Variants in GABRG3 observed in about 807,000 individuals in gnomAD.
GABRG3 encodes the protein gamma-aminobutyric acid receptor subunit gamma-3.
A neutral mutation model predicts 48.8 loss-of-function variants in GABRG3; 25 were observed. That is an observed-to-expected ratio of 0.51 (90% CI 0.37 to 0.72). The LOEUF is 0.72. Among genes scored for constraint, GABRG3 ranks in the 30% least tolerant of loss-of-function variants. GABRG3 has a pLI of 0.00. For synonymous variants in GABRG3, 227 were observed against 217.6 expected (o/e 1.04, Z -0.38); for missense variants, 394 against 577.9 (o/e 0.68, Z 3.26).
At chr15:27,502,785 A>T (rs1043738523) in intron 6 of GABRG3, among the ~76,000 whole-genome samples, 1 of 152,240 alleles carries the variant, frequency 6.6e-6, no homozygotes, top group Non-Finnish European at 1.5e-5. Context: ...AAGGATATTT[A>T]ACAGGATACA....
intron 3 of GABRG3, among the ~76,000 whole-genome samples, chr15:27,134,767 C>T (rs1355144541): frequency 6.6e-6 from 1 of 152,186 alleles, no homozygotes; most frequent in Non-Finnish European, 1.5e-5. Context: ...ACTATGCGAT[C>T]ATTGTTGGCA....
At chr15:27,225,595 C>T (rs1889587449) in intron 3 of GABRG3, among the ~76,000 whole-genome samples, 1 of 152,130 alleles carries the variant, frequency 6.6e-6, no homozygotes. Flanking sequence ...TTCCCACCTG[C>T]CTTCCACCCA....
chr15:27,279,200 C>T (rs1009971175), intron 3 of GABRG3, among the ~76,000 whole-genome samples: 1 of 152,156 alleles, frequency 6.6e-6, no homozygotes, highest in Non-Finnish European at 1.5e-5. Context: ...ACTATTTTCT[C>T]TTAGTTTGTA....
At chr15:27,046,005 A>G (rs1896356335) in intron 3 of GABRG3, among the ~76,000 whole-genome samples, 1 of 152,132 alleles carries the variant, frequency 6.6e-6, no homozygotes, top group Non-Finnish European at 1.5e-5. Flanking sequence ...AACTGCAGAG[A>G]GCTCCGAGTT....
intron 5 of GABRG3, among the ~76,000 whole-genome samples, chr15:27,390,582 G>A (rs548509598): frequency 8.0e-4 from 122 of 152,178 alleles, no homozygotes; most frequent in Non-Finnish European, 1.6e-3. Context: ...GAGCACTGGG[G>A]TGCACATTGT....
intron 3 of GABRG3, among the ~76,000 whole-genome samples, chr15:27,326,589 T>C (rs1213682032): frequency 3.3e-5 from 5 of 152,184 alleles, no homozygotes; most frequent in Non-Finnish European, 5.9e-5. Context: ...TATTGGAACT[T>C]AAGATTTATA....
At chr15:27,245,510 A>C (rs573087973) in intron 3 of GABRG3, among the ~76,000 whole-genome samples, 44 of 152,302 alleles carry the variant, frequency 2.9e-4, no homozygotes, top group African/African-American at 1.0e-3. Context: ...AAATCAGCCA[A>C]AATATGTGTT....
intron 3 of GABRG3, among the ~76,000 whole-genome samples, chr15:27,184,466 G>A (rs925332401): frequency 6.6e-6 from 1 of 152,218 alleles, no homozygotes; most frequent in African/African-American, 2.4e-5. Context: ...TTTTGGGGTG[G>A]CATATTCTCA....
chr15:27,525,222 G>T (rs1410456293), intron 7 of GABRG3, among the ~76,000 whole-genome samples: 1 of 151,650 alleles, frequency 6.6e-6, no homozygotes, highest in Non-Finnish European at 1.5e-5. Flanking sequence ...ATTTTAGTTT[G>T]TGTTTAAATT....
intron 3 of GABRG3, among the ~76,000 whole-genome samples, chr15:27,042,170 T>A (rs542871070): frequency 6.6e-6 from 1 of 152,340 alleles, no homozygotes; most frequent in Non-Finnish European, 1.5e-5. Flanking sequence ...GTGGGTCCCA[T>A]CTGCCTCCCC....
intron 5 of GABRG3, among the ~76,000 whole-genome samples, chr15:27,456,542 A>G (rs1430206366): frequency 6.6e-6 from 1 of 152,164 alleles, no homozygotes; most frequent in Non-Finnish European, 1.5e-5. Context: ...ATTATACAAG[A>G]AGAGGCCAGG....
Position 27,291,075 on chromosome 15 carries a change from G to A in GABRG3, c.271-35734G>A, listed in dbSNP as rs372427978. On this transcript the variant is annotated intron_variant, in intron 3 of 9. Transcript: ENST00000615808. ...TATAAGTGCCCCAATAACAACGGAA[G>A]TGCTCATATTTTCTTGTAACACCTC... 2.0e-4 allele frequency among the ~76,000 whole-genome samples: 30 copies of A among 152,268 alleles called. No homozygotes were observed. The East Asian group carries it at 5.2e-3, about 26-fold the overall frequency.
chr15:27,426,643 T>C (rs1888301675), intron 5 of GABRG3, among the ~76,000 whole-genome samples: 1 of 152,052 alleles, frequency 6.6e-6, no homozygotes, highest in Admixed American at 6.5e-5. Context: ...TAAGACCTCA[T>C]ATCTACCAAA....
chr15:27,083,250 CCTGA>C, intron 3 of GABRG3, among the ~76,000 whole-genome samples: 1 of 152,072 alleles, frequency 6.6e-6, no homozygotes, highest in African/African-American at 2.4e-5. Flanking sequence ...TCATTTTTTT[CCTGA>C]CTTTCATTCA....
intron 5 of GABRG3, among the ~76,000 whole-genome samples, chr15:27,409,840 T>C (rs575329030): frequency 2.4e-4 from 37 of 152,314 alleles, no homozygotes; most frequent in Admixed American, 1.9e-3. Context: ...TTAGTTTTTT[T>C]ACATAGATTT....
chr15:27,112,324 G>A (rs1259028700), intron 3 of GABRG3, among the ~76,000 whole-genome samples: 1 of 152,156 alleles, frequency 6.6e-6, no homozygotes, highest in Non-Finnish European at 1.5e-5. Flanking sequence ...TTGTTGTAAA[G>A]CAGGAGTAAC....
intron 3 of GABRG3, among the ~76,000 whole-genome samples, chr15:27,108,634 G>A (rs886690914): frequency 1.3e-5 from 2 of 152,084 alleles, no homozygotes; most frequent in Non-Finnish European, 2.9e-5. Context: ...ATCCTTACTG[G>A]TTTTCTGCCT....
intron 3 of GABRG3, among the ~76,000 whole-genome samples, chr15:27,295,779 G>T (rs2140489394): frequency 6.6e-6 from 1 of 152,252 alleles, no homozygotes; most frequent in South Asian, 2.1e-4. Context: ...CAGCCAAGGA[G>T]TAAAAGTGGA....
chr15:27,036,078 C>T (rs775317374), intron 3 of GABRG3, among the ~76,000 whole-genome samples: 10 of 152,176 alleles, frequency 6.6e-5, no homozygotes, highest in Non-Finnish European at 8.8e-5. Flanking sequence ...CAGCAGTGAA[C>T]GGAATTAATA....
Sources: allele counts gnomAD v4.1 joint callset (sites outside exome capture counted in the v4.1 genomes callset), GRCh38; gene constraint gnomAD v4.1.1; transcripts MANE v1.5; gene names NCBI Gene and HGNC (gene_info 2026-07-23, HGNC 2026-07-21).